The following PLAG1 variants were observed in gnomAD, a reference collection of about 807,000 sequenced individuals.
PLAG1 encodes zinc finger protein PLAG1.
A neutral mutation model predicts 35.5 loss-of-function variants in PLAG1; 7 were observed. That is an observed-to-expected ratio of 0.20 (90% CI 0.11 to 0.37). PLAG1 has a LOEUF of 0.37. PLAG1 is among the 10% of genes least tolerant of loss of function. The pLI is 1.00. For synonymous variants in PLAG1, 229 were observed against 225.4 expected (o/e 1.02, Z -0.14); for missense variants, 454 against 602.8 (o/e 0.75, Z 2.58).
chr8:56,163,504 T>C lies in PLAG1; in HGVS notation c.*2739A>G. On this transcript the variant is annotated 3_prime_UTR_variant, in exon 5 of 5. Transcript: ENST00000316981. ...CAGTCAATTTTAAAAACAAATTAGC[T>C]GAATTCCCTCTTACTCTGAAGTGTT... is the stretch of plus-strand genomic sequence containing the variant. The C allele has an allele frequency of 5.0e-6, 1 of 199,870 alleles. No individual in the cohort carries two copies. The highest frequency in any genetic ancestry group is 1.0e-5 in the Non-Finnish European group (1 of 96,264). The allele number at this position is 199,870 out of a possible 1,614,324, so 12.4% of individuals were successfully genotyped here.
Position 56,165,496 on chromosome 8 carries a change from TAAG to T in PLAG1, c.*744_*746del, listed in dbSNP as rs1226780079. 1 of 210,954 alleles carries T rather than the reference TAAG, an allele frequency of 4.7e-6. No individual in the cohort carries two copies. The highest frequency in any genetic ancestry group is 9.6e-6 in the Non-Finnish European group (1 of 103,862). The allele number at this position is 210,954 out of a possible 1,614,324, so 13.1% of individuals were successfully genotyped here. A position where few individuals can be genotyped will look rare whatever the true frequency, so the allele number is the denominator to read the frequency against. ...ATTATTAAATGAAAAGATAGCATGT[TAAG>T]AAGGATGAAACACGACAAAATATCC... On this transcript the variant is annotated 3_prime_UTR_variant, in exon 5 of 5. Transcript: ENST00000316981.
chr8:56,173,212 G>A (rs942372148), intron 2 of PLAG1, among the ~76,000 whole-genome samples: 11 of 152,010 alleles, frequency 7.2e-5, no homozygotes, highest in African/African-American at 2.2e-4. Context: ...CAATAGTCTA[G>A]AAATCACCCA....
Position 56,165,297 on chromosome 8 carries a change from C to T in PLAG1, c.*946G>A, listed in dbSNP as rs763582058. On this transcript the variant is annotated 3_prime_UTR_variant, in exon 5 of 5. Transcript: ENST00000316981. ...GAGTCAATCCACTGTGGGATAAACA[C>T]ACCTCATGGCTGCAGTTCCACAATG... The T allele has an allele frequency of 5.2e-5, 11 of 213,448 alleles. No homozygotes were observed. The highest frequency in any genetic ancestry group is 1.2e-4 in the Admixed American group (2 of 17,080). The allele number at this position is 213,448 out of a possible 1,614,324, so 13.2% of individuals were successfully genotyped here.
At chr8:56,174,430 C>A (rs1811629167) in intron 2 of PLAG1, among the ~76,000 whole-genome samples, 1 of 152,160 alleles carries the variant, frequency 6.6e-6, no homozygotes, top group Non-Finnish European at 1.5e-5. Flanking sequence ...TTACAGCATT[C>A]ACTTTCCATA....
At chr8:56,208,070 CA>C (rs147198762) in intron 1 of PLAG1, among the ~76,000 whole-genome samples, 2,527 of 152,200 alleles carry the variant, frequency 0.017, 60 homozygotes, top group African/African-American at 0.057. Context: ...TGAATTCCTT[CA>C]TTTTTTTATA....
intron 1 of PLAG1, among the ~76,000 whole-genome samples, chr8:56,189,626 A>G (rs577833190): frequency 7.0e-4 from 106 of 152,338 alleles, no homozygotes; most frequent in Admixed American, 1.5e-3. Flanking sequence ...TGATAATGCA[A>G]AACAGAAGGT....
In PLAG1 at chr8:56,175,038, T is replaced by C. The variant is rs192340100; in HGVS notation, c.-216-3849A>G. On this transcript the variant is annotated intron_variant, in intron 2 of 4. Transcript: ENST00000316981. ...ATAGCAAGGGACAACTGTGTATCTA[T>C]ATTCAAGTCAAAGATAATGTAGTAT... Among the ~76,000 whole-genome samples, 52 of 152,322 alleles carry C rather than the reference T, an allele frequency of 3.4e-4. 1 individual carries two copies. Among genetic ancestry groups the C allele is most frequent in the Non-Finnish European group, 6.6e-4 (45 of 68,030 alleles).
In PLAG1 at chr8:56,167,157, G is replaced by C. The variant is rs780434899; in HGVS notation, c.589C>G (p.Arg197Gly). ...ACCATGTGTCTCCGGACATCCTTTC[G>C]GGTGTAGAACCGGCGATCACAATGT... ...CEHCDRRFYT[R>G]KDVRRHMVVH... Residue 197 changes from arginine (R) to glycine (G), a missense_variant, in exon 5 of 5, where the codon CGA (arginine) becomes GGA (glycine). This residue lies in a region of PLAG1 where 170 missense variants were observed against 226.3 expected (regional missense o/e 0.75). Transcript: ENST00000316981. This position sits in a 1 kb window ranked among gnomAD's most constrained non-coding sequence, Gnocchi z 5.9. 6.2e-7 allele frequency: 1 copy of C among 1,613,918 alleles called. No homozygotes were observed.
At chr8:56,209,487 T>A (rs1442898934) in intron 1 of PLAG1, 1 of 152,280 alleles carries the variant, frequency 6.6e-6, no homozygotes. Flanking sequence ...AGTGATTCTG[T>A]GTAGGTGATG....
chr8:56,176,020 T>G (rs1407738940), intron 2 of PLAG1, among the ~76,000 whole-genome samples: 4 of 151,640 alleles, frequency 2.6e-5, no homozygotes, highest in African/African-American at 9.7e-5. Context: ...GTTTTTTTTC[T>G]CTTTTGAAAA....
Position 56,165,069 on chromosome 8 carries a change from T to A in PLAG1, c.*1174A>T, listed in dbSNP as rs1811313246. 1 of 206,494 alleles carries A rather than the reference T, an allele frequency of 4.8e-6. No individual in the cohort carries two copies. Among genetic ancestry groups the A allele is most frequent in the African/African-American group, 2.3e-5 (1 of 43,852 alleles). 12.8% of individuals were successfully genotyped at this position (206,494 alleles called of 1,614,324 possible). ...CATCGGAGTAGGACTGTTGTTTTTG[T>A]TTTCTGCTTTTGATTCTTAAGGGAA... On this transcript the variant is annotated 3_prime_UTR_variant, in exon 5 of 5. Coordinates refer to ENST00000316981, the MANE Select transcript of PLAG1 (RefSeq NM_002655.3).
chr8:56,162,914 A>C lies in PLAG1; in HGVS notation c.*3329T>G, dbSNP rs35399547. 0.12 allele frequency: 25,675 copies of C among 215,828 alleles called. 2,058 individuals carry two copies. Among genetic ancestry groups the C allele is most frequent in the Middle Eastern group, 0.19 (128 of 684 alleles). 13.4% of individuals were successfully genotyped at this position (215,828 alleles called of 1,614,324 possible). A position where few individuals can be genotyped will look rare whatever the true frequency, so the allele number is the denominator to read the frequency against. On this transcript the variant is annotated 3_prime_UTR_variant, in exon 5 of 5. Coordinates refer to ENST00000316981, the MANE Select transcript of PLAG1 (RefSeq NM_002655.3). ...AATACACAGCTTGAAAGAAACACTA[A>C]ATGAAATAAAAAAGTTGCACACAGA...
At chr8:56,169,041 A>C (rs1811440279) in intron 3 of PLAG1, among the ~76,000 whole-genome samples, 2 of 152,242 alleles carry the variant, frequency 1.3e-5, no homozygotes, top group South Asian at 4.1e-4. Context: ...AATTCTTCAA[A>C]TAGTAAAACC....
At chr8:56,203,607 CAT>C (rs1812621369) in intron 1 of PLAG1, among the ~76,000 whole-genome samples, 2 of 152,040 alleles carry the variant, frequency 1.3e-5, no homozygotes, top group South Asian at 4.1e-4. Context: ...TAAAGAAAAA[CAT>C]AAAATGTCAC....
At chr8:56,184,930 G>C (rs1232636601) in intron 1 of PLAG1, among the ~76,000 whole-genome samples, 2 of 152,162 alleles carry the variant, frequency 1.3e-5, no homozygotes, top group Non-Finnish European at 2.9e-5. Flanking sequence ...CTGGGTGACA[G>C]AGTATGACTG....
chr8:56,207,180 T>G (rs1242641265), intron 1 of PLAG1, among the ~76,000 whole-genome samples: 1 of 151,988 alleles, frequency 6.6e-6, no homozygotes, highest in Non-Finnish European at 1.5e-5. Flanking sequence ...TTATTTTGAC[T>G]ACACAGCTCA....
At chr8:56,178,701 T>A (rs1811779498) in intron 2 of PLAG1, among the ~76,000 whole-genome samples, 1 of 152,104 alleles carries the variant, frequency 6.6e-6, no homozygotes, top group Admixed American at 6.5e-5. Context: ...CATTGTTTTT[T>A]TTTCCAGTCT....
intron 1 of PLAG1, among the ~76,000 whole-genome samples, chr8:56,192,064 G>A (rs1000455362): frequency 6.6e-6 from 1 of 152,086 alleles, no homozygotes; most frequent in Non-Finnish European, 1.5e-5. Flanking sequence ...AAAACACGAA[G>A]GACAAATTAA....
chr8:56,173,723 G>A (rs557356527), intron 2 of PLAG1, among the ~76,000 whole-genome samples: 2 of 152,170 alleles, frequency 1.3e-5, no homozygotes, highest in South Asian at 4.1e-4. Context: ...AAGATGAACA[G>A]CAGTTCAGAA....
Sources: allele counts gnomAD v4.1 joint callset (sites outside exome capture counted in the v4.1 genomes callset), GRCh38; gene constraint gnomAD v4.1.1; regional missense constraint gnomAD v4.1.1; non-coding constraint Gnocchi (gnomAD v3.1); transcripts MANE v1.5; gene names NCBI Gene and HGNC (gene_info 2026-07-23, HGNC 2026-07-21).